PRKAG2: variants seen among roughly 807,000 people sequenced by gnomAD.
PRKAG2 encodes 5'-AMP-activated protein kinase subunit gamma-2.
A neutral mutation model predicts 69.6 loss-of-function variants in PRKAG2; 26 were observed. That is an observed-to-expected ratio of 0.37 (90% CI 0.27 to 0.52). The LOEUF (loss-of-function observed/expected upper bound fraction) is 0.52. PRKAG2 is among the 20% of genes least tolerant of loss of function. The pLI is 0.90. For synonymous variants in PRKAG2, 293 were observed against 285.0 expected, an observed-to-expected ratio of 1.03 and a Z score of -0.28; for missense variants, 557 against 740.0, an observed-to-expected ratio of 0.75 and a Z score of 2.87.
intron 1 of PRKAG2, among the ~76,000 whole-genome samples, chr7:151,838,501 G>T (rs1376153139): frequency 6.6e-6 from 1 of 151,372 alleles, no homozygotes; most frequent in Non-Finnish European, 1.5e-5. Context: ...TGAGCCCAGG[G>T]GTTGGAGATC....
chr7:151,721,420 C>A (rs953839126), intron 3 of PRKAG2, among the ~76,000 whole-genome samples: 2 of 131,436 alleles, frequency 1.5e-5, no homozygotes, highest in Admixed American at 1.6e-4. Flanking sequence ...CCGAGGCCAG[C>A]ACAGCGCTAT....
chr7:151,611,976 C>T (rs182173917), intron 5 of PRKAG2, among the ~76,000 whole-genome samples: 9 of 152,144 alleles, frequency 5.9e-5, no homozygotes, highest in African/African-American at 1.4e-4. Context: ...ACCTGGGAGG[C>T]GGAGGATGCA....
chr7:151,757,232 C>G (rs1586319563), intron 3 of PRKAG2, among the ~76,000 whole-genome samples: 1 of 152,108 alleles, frequency 6.6e-6, no homozygotes, highest in Non-Finnish European at 1.5e-5. Flanking sequence ...AGCACAAAAC[C>G]TTTGGCATTT....
intron 5 of PRKAG2, among the ~76,000 whole-genome samples, chr7:151,621,900 T>C (rs1340134781): frequency 6.6e-6 from 1 of 152,208 alleles, no homozygotes; most frequent in African/African-American, 2.4e-5. Flanking sequence ...ACGTTACTTT[T>C]AAAGATCTCT....
intron 3 of PRKAG2, among the ~76,000 whole-genome samples, chr7:151,728,067 C>G (rs941441667): frequency 1.3e-5 from 2 of 152,160 alleles, no homozygotes; most frequent in African/African-American, 4.8e-5. Context: ...CCAGGCCCAG[C>G]AGAGTGTTTG....
chr7:151,595,816 G>T (rs1392143466), intron 5 of PRKAG2, among the ~76,000 whole-genome samples: 1 of 152,074 alleles, frequency 6.6e-6, no homozygotes, highest in African/African-American at 2.4e-5. Flanking sequence ...ATTAAATCAG[G>T]GTTAATAAAA....
At chr7:151,786,589 C>T in intron 1 of PRKAG2, 48 bp from the exon 2 acceptor site, 1 of 1,496,494 alleles carries the variant, frequency 6.7e-7, no homozygotes. Flanking sequence ...CCCTCGGGCC[C>T]AGGGGCTGCA....
chr7:151,583,111 C>G lies in PRKAG2; in HGVS notation c.865-6659G>C, dbSNP rs1304097722. Among the ~76,000 whole-genome samples the G allele has an allele frequency of 6.6e-6, 1 of 152,204 alleles. No homozygotes were observed. Among genetic ancestry groups the G allele is most frequent in the African/African-American group, 2.4e-5 (1 of 41,442 alleles). On this transcript the variant is annotated intron_variant, in intron 6 of 15. Transcript: ENST00000287878. This position sits in a 1 kb window ranked among gnomAD's most constrained non-coding sequence, Gnocchi z 4.1. ...TCACGGCTCACTGCAGCCTCAACCT[C>G]GTAGGCTCAAGTGATCCTTATGCCT...
intron 4 of PRKAG2, among the ~76,000 whole-genome samples, chr7:151,672,321 T>C (rs1242548046): frequency 1.3e-5 from 2 of 152,006 alleles, no homozygotes; most frequent in Admixed American, 1.3e-4. Context: ...CAGGATGGTC[T>C]CGATCTCTCG....
chr7:151,750,086 G>A (rs1251078065), intron 3 of PRKAG2, among the ~76,000 whole-genome samples: 3 of 115,888 alleles, frequency 2.6e-5, no homozygotes, highest in Admixed American at 1.2e-4. Flanking sequence ...GACACAGCAA[G>A]ACTCCATCTC....
rs141048941 is a variant in PRKAG2, at chr7:151,628,938, C to T, written c.754+3131G>A. ...CCTCGGAGACCAGATGAGACTTGAG[C>T]TGAGCCTTGAAGTCTTACTAAGATC... On this transcript the variant is annotated intron_variant, in intron 5 of 15. Coordinates refer to ENST00000287878, the MANE Select transcript of PRKAG2 (RefSeq NM_016203.4). Among the ~76,000 whole-genome samples the T allele has an allele frequency of 8.1e-3, 1,233 of 152,228 alleles. 7 individuals are homozygous for T. The highest frequency in any genetic ancestry group is 0.012 in the Non-Finnish European group (828 of 68,006).
intron 1 of PRKAG2, 86 bp from the exon 2 acceptor site, chr7:151,786,627 C>T (rs547424970): frequency 1.3e-4 from 138 of 1,061,402 alleles, no homozygotes; most frequent in Non-Finnish European, 1.7e-4. Context: ...GTCACCTCCC[C>T]CTTCCTGAGA....
At chr7:151,573,639 G>A (rs1183604879) in intron 8 of PRKAG2, among the ~76,000 whole-genome samples, 1 of 152,076 alleles carries the variant, frequency 6.6e-6, no homozygotes, top group Non-Finnish European at 1.5e-5. Flanking sequence ...TGCTGATTTT[G>A]CTAGTTCAAA....
At chr7:151,747,578 A>AAC (rs1563581895) in intron 3 of PRKAG2, among the ~76,000 whole-genome samples, 14 of 96,542 alleles carry the variant, frequency 1.5e-4, no homozygotes, top group African/African-American at 4.2e-4. Flanking sequence ...AACCAACCAA[A>AAC]CAAACAAAAA....
chr7:151,863,284 A>G (rs2079982909), intron 1 of PRKAG2, among the ~76,000 whole-genome samples: 1 of 151,944 alleles, frequency 6.6e-6, no homozygotes, highest in Non-Finnish European at 1.5e-5. Context: ...ACTGGTAGCC[A>G]CTGGTACTCA....
At chr7:151,796,337 C>G (rs749693719) in intron 1 of PRKAG2, among the ~76,000 whole-genome samples, 1 of 152,192 alleles carries the variant, frequency 6.6e-6, no homozygotes, top group South Asian at 2.1e-4. Context: ...CAGGCCCCAG[C>G]TGGACGAGAG....
At chr7:151,625,881 G>T (rs960076768) in intron 5 of PRKAG2, among the ~76,000 whole-genome samples, 1 of 152,232 alleles carries the variant, frequency 6.6e-6, no homozygotes, top group Admixed American at 6.5e-5. Flanking sequence ...TGAGATGTAG[G>T]CCTCAGACAG....
chr7:151,786,632 C>G (rs966997580), intron 1 of PRKAG2, 91 bp from the exon 2 acceptor site: 4 of 1,014,272 alleles, frequency 3.9e-6, no homozygotes, highest in East Asian at 2.5e-5. Context: ...CTCCCCCTTC[C>G]TGAGACCTTA....
chr7:151,785,619 C>T (rs532997015), intron 2 of PRKAG2, among the ~76,000 whole-genome samples: 3 of 152,346 alleles, frequency 2.0e-5, no homozygotes, highest in South Asian at 2.1e-4. Flanking sequence ...CCAGGCTAGC[C>T]GGCACCCAGA....
Sources: gnomAD v4.1 joint callset for allele counts (sites outside exome capture counted in the v4.1 genomes callset) on GRCh38, gnomAD v4.1.1 for gene constraint, Gnocchi (gnomAD v3.1) non-coding constraint, MANE v1.5 for transcripts, NCBI Gene and HGNC (gene_info 2026-07-23, HGNC 2026-07-21) for gene names.